MYO18B: variants seen among roughly 807,000 people sequenced by gnomAD.
MYO18B encodes myosin XVIIIB, also known as unconventional myosin-XVIIIb.
In MYO18B, 204 loss-of-function variants were observed where a neutral mutation model predicts 273.0. The observed-to-expected ratio is 0.75, with a 90% CI of 0.67 to 0.84. MYO18B has a LOEUF of 0.84. Ranked by LOEUF, MYO18B falls within the 40% of genes least tolerant of loss-of-function variation. The probability of loss-of-function intolerance (pLI) is 0.00; values close to 1 mark genes in which losing one functional copy is unlikely to be tolerated. For synonymous variants in MYO18B, 1,330 were observed against 1,305.7 expected, an observed-to-expected ratio of 1.02 and a Z score of -0.40; for missense variants, 3,212 against 3,287.6, an observed-to-expected ratio of 0.98 and a Z score of 0.56.
chr22:25,940,450 A>G (rs950559680), intron 34 of MYO18B, among the ~76,000 whole-genome samples: 3 of 152,170 alleles, frequency 2.0e-5, no homozygotes, highest in African/African-American at 4.8e-5. Context: ...TAAATTATCC[A>G]GTCTCAGGTA....
At chr22:25,757,125 T>G (rs980818990) in intron 1 of MYO18B, among the ~76,000 whole-genome samples, 3 of 152,192 alleles carry the variant, frequency 2.0e-5, no homozygotes, top group Admixed American at 2.0e-4. Flanking sequence ...ACACTAGTAC[T>G]TACAAAAGCT....
chr22:25,833,598 C>T (rs1410541333), intron 16 of MYO18B, among the ~76,000 whole-genome samples: 1 of 152,156 alleles, frequency 6.6e-6, no homozygotes, highest in Admixed American at 6.5e-5. Context: ...TTCCTCTTCA[C>T]ATTTTATTAC....
the MYO18B span, among the ~76,000 whole-genome samples, chr22:26,059,540 G>T: frequency 6.6e-6 from 1 of 152,156 alleles, no homozygotes; most frequent in African/African-American, 2.4e-5. Flanking sequence ...CCTTTCATAG[G>T]CAAGGGAAGC....
intron 18 of MYO18B, 30 bp from the exon 19 acceptor site, chr22:25,846,070 C>A: frequency 6.7e-7 from 1 of 1,484,220 alleles, no homozygotes; most frequent in Non-Finnish European, 8.9e-7. Flanking sequence ...CCTCCTAAAG[C>A]TCCTCTCTCT....
chr22:25,989,190 A>C (rs1404900164), intron 39 of MYO18B, among the ~76,000 whole-genome samples: 1 of 152,126 alleles, frequency 6.6e-6, no homozygotes. Flanking sequence ...ATGTCTCAGC[A>C]CATGTGACTT....
chr22:25,823,610 G>A lies in MYO18B; in HGVS notation c.2627G>A (p.Arg876Gln), dbSNP rs575158391. 4.0e-5 allele frequency: 65 copies of A among 1,613,942 alleles called. 1 individual carries two copies. The East Asian group carries it at 7.1e-4, about 18-fold the overall frequency. ...LNTATFKHHL[R>Q]QIIQQMTFGP... ...ACGGCCACCTTCAAGCACCACCTTC[G>A]ACAGATCATCCAGCAAATGACGTTT... Residue 876 changes from arginine to glutamine, a missense_variant, in exon 13 of 44, where the codon CGA (arginine) becomes CAA (glutamine). Coordinates refer to ENST00000335473, the MANE Select transcript of MYO18B (RefSeq NM_032608.7).
At chr22:25,788,342 T>C (rs895088915) in intron 11 of MYO18B, among the ~76,000 whole-genome samples, 1 of 151,730 alleles carries the variant, frequency 6.6e-6, no homozygotes, top group African/African-American at 2.4e-5. Context: ...ATAATGGGAG[T>C]TGCTAAGTCC....
At chr22:26,044,047 T>A in the MYO18B span, among the ~76,000 whole-genome samples, 7 of 152,364 alleles carry the variant, frequency 4.6e-5, no homozygotes, top group African/African-American at 1.7e-4. Flanking sequence ...TGTATAGCAG[T>A]ATCTTTTTGT....
intron 25 of MYO18B, among the ~76,000 whole-genome samples, chr22:25,886,071 C>T (rs563588314): frequency 1.3e-5 from 2 of 152,322 alleles, no homozygotes; most frequent in South Asian, 4.1e-4. Flanking sequence ...GGCTGGTGTC[C>T]TTCGGTGAGC....
At chr22:25,847,400 C>A (rs1454016498) in intron 19 of MYO18B, 30 bp from the exon 20 acceptor site, 7 of 1,536,842 alleles carry the variant, frequency 4.6e-6, no homozygotes, top group Non-Finnish European at 6.2e-6. Context: ...TGTGAGACAA[C>A]TGGCCCTGAC....
chr22:25,808,954 T>A (rs1390313567), intron 12 of MYO18B, among the ~76,000 whole-genome samples: 1 of 151,706 alleles, frequency 6.6e-6, no homozygotes, highest in African/African-American at 2.4e-5. Flanking sequence ...ACCTGGGCGG[T>A]TTTTTTTGAG....
At chr22:25,746,424 T>C (rs2085780575) in intron 1 of MYO18B, among the ~76,000 whole-genome samples, 1 of 152,236 alleles carries the variant, frequency 6.6e-6, no homozygotes, top group African/African-American at 2.4e-5. Flanking sequence ...AGTGTCAGCG[T>C]AGACACTATT....
At position 25,787,455 on chromosome 22, in the gene MYO18B, T is replaced by TA. The variant is rs2087452259; in HGVS notation, c.2376+1965dup. 2.0e-5 allele frequency among the ~76,000 whole-genome samples: 3 copies of TA among 152,206 alleles called. No individual in the cohort carries two copies. In the South Asian group the frequency reaches 6.2e-4, roughly 32 times the overall value. Reference sequence around the variant, plus strand: ...GACCCCGCTTTGAGAACCACTGTTGTAGAGTCTGTTTCTGCACTGGGTGAG... The same window carrying TA: ...GACCCCGCTTTGAGAACCACTGTTGTAAGAGTCTGTTTCTGCACTGGGTGAG... On this transcript the variant is annotated intron_variant, in intron 11 of 43. Transcript: ENST00000335473.
chr22:25,742,723 C>G (rs1477250440), intron 1 of MYO18B, among the ~76,000 whole-genome samples: 6 of 152,208 alleles, frequency 3.9e-5, no homozygotes, highest in African/African-American at 1.2e-4. Context: ...CAGGCTTCCC[C>G]TTTCGTGTTA....
At chr22:25,959,177 G>A (rs2092888697) in intron 39 of MYO18B, 1 of 151,970 alleles carries the variant, frequency 6.6e-6, no homozygotes, top group African/African-American at 2.4e-5. Flanking sequence ...GATTTTAGAA[G>A]GCCAGTTGGC....
chr22:25,960,056 G>A (rs982175821), intron 39 of MYO18B, among the ~76,000 whole-genome samples: 25 of 152,296 alleles, frequency 1.6e-4, no homozygotes, highest in Non-Finnish European at 3.4e-4. Context: ...GTTGTTGCAT[G>A]TGAATGATTT....
At chr22:25,892,070 C>A (rs541073383) in intron 27 of MYO18B, among the ~76,000 whole-genome samples, 3 of 152,172 alleles carry the variant, frequency 2.0e-5, no homozygotes, top group African/African-American at 7.2e-5. Flanking sequence ...AAAGTTGGAA[C>A]CTATGAAGTT....
chr22:25,786,215 T>C (rs2087381149), intron 11 of MYO18B, among the ~76,000 whole-genome samples: 1 of 152,226 alleles, frequency 6.6e-6, no homozygotes, highest in Non-Finnish European at 1.5e-5. Context: ...ATTTTCACTT[T>C]AGCAGGAGAC....
intron 12 of MYO18B, among the ~76,000 whole-genome samples, chr22:25,799,798 G>A (rs1178435934): frequency 6.6e-6 from 1 of 152,206 alleles, no homozygotes; most frequent in African/African-American, 2.4e-5. Flanking sequence ...GTAAGATGGG[G>A]ATTCAACAGT....
Sources: allele counts gnomAD v4.1 joint callset (sites outside exome capture counted in the v4.1 genomes callset), GRCh38; gene constraint gnomAD v4.1.1; transcripts MANE v1.5; gene names NCBI Gene and HGNC (gene_info 2026-07-23, HGNC 2026-07-21).